The following NUP214 variants were observed in gnomAD, a reference collection of about 807,000 sequenced individuals.
NUP214 encodes the protein nucleoporin 214, also known as nuclear pore complex protein Nup214.
Under a neutral mutation model 196.2 loss-of-function variants are expected in NUP214, and 79 were observed. The observed-to-expected ratio is 0.40, with a 90% confidence interval of 0.34 to 0.49. The LOEUF (loss-of-function observed/expected upper bound fraction) is 0.49, where lower values mean the gene tolerates loss of function less well. NUP214 is among the 20% of genes least tolerant of loss of function. NUP214 has a pLI of 0.58. For synonymous variants in NUP214, 1,020 were observed against 990.5 expected (o/e 1.03, Z -0.56); for missense variants, 2,468 against 2,539.0 (o/e 0.97, Z 0.60).
intron 4 of NUP214, 114 bp downstream of exon 4, chr9:131,129,591 C>T (rs571380929): frequency 1.1e-5 from 11 of 1,011,142 alleles, no homozygotes; most frequent in African/African-American, 3.2e-5. Flanking sequence ...TTTTTCATGA[C>T]GAGGGAGGTT....
At chr9:131,165,140 A>G (rs1183566404) in intron 21 of NUP214, 1 of 152,204 alleles carries the variant, frequency 6.6e-6, no homozygotes, top group East Asian at 1.9e-4. Context: ...AATAAAAAAT[A>G]TTAGCTGAGT....
In NUP214 at chr9:131,197,914, G is replaced by A. The variant is rs749547941; in HGVS notation, c.4420G>A (p.Gly1474Ser). 1.2e-6 allele frequency: 2 copies of A among 1,614,002 alleles called. No individual in the cohort carries two copies. Among genetic ancestry groups the A allele is most frequent in the South Asian group, 2.2e-5 (2 of 91,078 alleles). ...LPTSFPTLSF[G>S]SLLSSATTPS... ...AACATCATTCCCCACATTGTCATTTGGTAGCCTCCTGAGTTCAGCAACTAC... is the reference window on the plus strand; with the variant it reads ...AACATCATTCCCCACATTGTCATTTAGTAGCCTCCTGAGTTCAGCAACTAC... The change falls in exon 29 of 36, where the codon GGT (glycine) becomes AGT (serine). Residue 1474 changes from glycine to serine, a missense_variant. Gly to Ser is a moderately conservative substitution (Grantham distance 56). Around this residue, in one of 5 missense-constraint regions of NUP214, gnomAD observed 1,801 missense variants for 1,779.4 expected, o/e 1.01. Transcript: ENST00000359428.
chr9:131,141,265 G>A (rs1831907191), intron 11 of NUP214, among the ~76,000 whole-genome samples: 1 of 152,012 alleles, frequency 6.6e-6, no homozygotes, highest in African/African-American at 2.4e-5. Flanking sequence ...GGAACATGGA[G>A]ATTTTTGTTT....
chr9:131,137,901 C>T (rs1241897986), intron 9 of NUP214, among the ~76,000 whole-genome samples: 10 of 152,082 alleles, frequency 6.6e-5, no homozygotes, highest in Admixed American at 6.6e-4. Context: ...CTTAGCACTC[C>T]CACCCTTTCC....
chr9:131,152,999 C>T (rs915676924), intron 17 of NUP214, among the ~76,000 whole-genome samples: 12 of 152,232 alleles, frequency 7.9e-5, no homozygotes, highest in African/African-American at 2.2e-4. Flanking sequence ...TGGTCTCGAA[C>T]TCCTGAGCTC....
chr9:131,205,953 G>T (rs1042114042), intron 30 of NUP214, among the ~76,000 whole-genome samples: 1 of 152,054 alleles, frequency 6.6e-6, no homozygotes, highest in Non-Finnish European at 1.5e-5. Flanking sequence ...AAAGTGCTGG[G>T]ATTACAGTCA....
At position 131,193,082 on chromosome 9, in the gene NUP214, T is replaced by TA. The variant is rs554934872; in HGVS notation, c.3659+796dup. 1.8e-4 allele frequency among the ~76,000 whole-genome samples: 28 copies of TA among 152,124 alleles called. No individual in the cohort carries two copies. In the South Asian group the frequency reaches 5.4e-3, roughly 29 times the overall value. ...GTGGAGGAATCTGTTTCCGTTTCTT[T>TA]AAAAAATAATAATAATAATGATGGC... On this transcript the variant is annotated intron_variant, in intron 27 of 35. Transcript: ENST00000359428.
intron 28 of NUP214, 56 bp downstream of exon 28, chr9:131,195,350 G>T: frequency 7.1e-7 from 1 of 1,405,280 alleles, no homozygotes. Flanking sequence ...ATAAGTACAG[G>T]TTATTTTTGC....
intron 21 of NUP214, among the ~76,000 whole-genome samples, chr9:131,173,269 G>A (rs1188206746): frequency 6.6e-6 from 1 of 151,804 alleles, no homozygotes; most frequent in East Asian, 1.9e-4. Context: ...TATTTGCCAG[G>A]CTGGTCTTGA....
In NUP214 at chr9:131,163,015, G is replaced by T; in HGVS notation, c.2565G>T (p.Glu855Asp). The T allele has an allele frequency of 6.2e-7, 1 of 1,614,158 alleles. No homozygotes were observed. The part of the protein sequence containing the change: ...KQRHLLVPER[E>D]TLFNTLANNR... Reference sequence around the variant, plus strand: ...GGCACCTGCTTGTGCCAGAGCGAGAGACACTGTTTAACACCCTAGCCAACA... The same window carrying T: ...GGCACCTGCTTGTGCCAGAGCGAGATACACTGTTTAACACCCTAGCCAACA... The change falls in exon 19 of 36, where the codon GAG becomes GAT. Residue 855 changes from glutamate (E) to aspartate (D), a missense_variant. This residue lies in a region of NUP214 where 1,801 missense variants were observed against 1,779.4 expected (regional missense o/e 1.01). Coordinates refer to ENST00000359428, the MANE Select transcript of NUP214 (RefSeq NM_005085.4).
In NUP214 at chr9:131,147,521, G is replaced by T. The variant is rs768527278; in HGVS notation, c.1977G>T (p.Val659=). Residue 659 remains valine (V), a synonymous_variant, in exon 14 of 36, where the codon GTG becomes GTT. Coordinates refer to ENST00000359428, the MANE Select transcript of NUP214 (RefSeq NM_005085.4). ...CTGCTCAGGGCAGTTCAAGCCCAGT[G>T]CCCTCAATGGTACAGAAATCACCCA... The part of the protein sequence containing the change: ...GRSAQGSSSP[V]PSMVQKSPRI... 19 of 1,613,978 alleles carry T rather than the reference G, an allele frequency of 1.2e-5. No homozygotes were observed. Among genetic ancestry groups the T allele is most frequent in the Non-Finnish European group, 1.5e-5 (18 of 1,179,998 alleles).
At chr9:131,141,362 T>C (rs183309241) in intron 11 of NUP214, among the ~76,000 whole-genome samples, 1 of 152,120 alleles carries the variant, frequency 6.6e-6, no homozygotes, top group African/African-American at 2.4e-5. Flanking sequence ...TGCAAAACAA[T>C]GGCCACAGTC....
chr9:131,216,285 C>T (rs1398793538), intron 31 of NUP214, among the ~76,000 whole-genome samples: 2 of 141,042 alleles, frequency 1.4e-5, no homozygotes, highest in Non-Finnish European at 1.5e-5. Flanking sequence ...AGTGCAGTGG[C>T]GTGATCTTGG....
Position 131,149,531 on chromosome 9 carries a change from T to C in NUP214, c.2041-793T>C, listed in dbSNP as rs191600279. 4.3e-3 allele frequency among the ~76,000 whole-genome samples: 646 copies of C among 150,908 alleles called. 5 individuals carry two copies. Among genetic ancestry groups the C allele is most frequent in the African/African-American group, 0.015 (617 of 41,040 alleles). ...GTCTTGTCAGCTCCACCCTCTGCTG[T>C]GTCACATGTCATAAGCCCACAGCTC... On this transcript the variant is annotated intron_variant, in intron 14 of 35. Transcript: ENST00000359428.
At position 131,198,507 on chromosome 9, in the gene NUP214, G is replaced by A. The variant is rs149982504; in HGVS notation, c.5013G>A (p.Thr1671=). Reference sequence around the variant, plus strand: ...ACACAGCCACTGCCCCCTCTGCCACGCCCGTGTTTGGGCAAGTGGCAGCCA... The same window carrying A: ...ACACAGCCACTGCCCCCTCTGCCACACCCGTGTTTGGGCAAGTGGCAGCCA... ...TNNTATAPSA[T]PVFGQVAAST... The change falls in exon 29 of 36, where the codon ACG becomes ACA. Residue 1671 remains threonine, a synonymous_variant. Transcript: ENST00000359428. 4.3e-5 allele frequency: 70 copies of A among 1,614,192 alleles called. No individual in the cohort carries two copies. Among genetic ancestry groups the A allele is most frequent in the East Asian group, 3.1e-4 (14 of 44,880 alleles).
chr9:131,232,669 A>G lies in NUP214; in HGVS notation c.6239+361A>G. 1 of 379,448 alleles carries G rather than the reference A, an allele frequency of 2.6e-6. No individual in the cohort carries two copies. Among genetic ancestry groups the G allele is most frequent in the Non-Finnish European group, 4.9e-6 (1 of 202,262 alleles). 23.5% of individuals were successfully genotyped at this position (379,448 alleles called of 1,614,324 possible). On this transcript the variant is annotated intron_variant, in intron 35 of 35. Coordinates refer to ENST00000359428, the MANE Select transcript of NUP214 (RefSeq NM_005085.4). This position sits in a 1 kb window ranked among gnomAD's most constrained non-coding sequence, Gnocchi z 5.1. Reference sequence around the variant, plus strand: ...GGGCTCTGGGCCATCACCAGGTCTCATGTGTTGATCCACCCTCTGTGCTTC... The same window carrying G: ...GGGCTCTGGGCCATCACCAGGTCTCGTGTGTTGATCCACCCTCTGTGCTTC...
intron 17 of NUP214, among the ~76,000 whole-genome samples, chr9:131,154,170 C>T (rs1319114861): frequency 6.6e-6 from 1 of 152,120 alleles, no homozygotes; most frequent in Non-Finnish European, 1.5e-5. Flanking sequence ...TTTAAAATTA[C>T]ATTTTCTCTT....
chr9:131,229,936 C>T (rs1834830569), intron 33 of NUP214: 1 of 361,490 alleles, frequency 2.8e-6, no homozygotes, highest in Non-Finnish European at 5.4e-6. Flanking sequence ...CCGTTTCCCT[C>T]ACCTAGTCAC....
chr9:131,159,405 A>G lies in NUP214; in HGVS notation c.2459A>G (p.Tyr820Cys), dbSNP rs373498832. 1.9e-6 allele frequency: 3 copies of G among 1,613,826 alleles called. No homozygotes were observed. The highest frequency in any genetic ancestry group is 1.3e-5 in the African/African-American group (1 of 74,932). Residue 820 changes from tyrosine (Y) to cysteine (C), a missense_variant, in exon 18 of 36, where the codon TAT becomes TGT. Transcript: ENST00000359428. Reference protein sequence around the residue: ...QLQEIRRLHQYVKFAVQDVND... With the variant: ...QLQEIRRLHQCVKFAVQDVND... ...TAGGAAATTCGGCGCCTTCATCAGT[A>G]TGTGAAATTTGCTGTCCAAGATGTG...
Sources: allele counts gnomAD v4.1 joint callset (sites outside exome capture counted in the v4.1 genomes callset), GRCh38; gene constraint gnomAD v4.1.1; regional missense constraint gnomAD v4.1.1; non-coding constraint Gnocchi (gnomAD v3.1); transcripts MANE v1.5; gene names NCBI Gene and HGNC (gene_info 2026-07-23, HGNC 2026-07-21).